The following PRDM6 variants were observed in gnomAD, a reference collection of about 807,000 sequenced individuals.
The protein encoded by PRDM6 is putative histone-lysine N-methyltransferase PRDM6.
Under a neutral mutation model 60.8 loss-of-function variants are expected in PRDM6, and 25 were observed. The observed-to-expected ratio is 0.41, with a 90% CI of 0.30 to 0.57. PRDM6 has a LOEUF of 0.57. Among genes scored for constraint, PRDM6 ranks in the 20% least tolerant of loss-of-function variants. The probability of loss-of-function intolerance (pLI) is 0.27; values close to 1 mark genes in which losing one functional copy is unlikely to be tolerated. For synonymous variants in PRDM6, 407 were observed against 357.4 expected (o/e 1.14, Z -1.57); for missense variants, 839 against 821.3 (o/e 1.02, Z -0.26).
Position 123,090,606 on chromosome 5 carries a change from C to T in PRDM6, c.592C>T (p.Arg198Cys). 2.0e-6 allele frequency: 3 copies of T among 1,518,774 alleles called. No individual in the cohort carries two copies. Among genetic ancestry groups the T allele is most frequent in the Non-Finnish European group, 2.6e-6 (3 of 1,141,196 alleles). 94.1% of individuals were successfully genotyped at this position (1,518,774 alleles called of 1,614,324 possible). ...LNQHTSDPNN[R>C]CDMCADNRNG... ...CCAGCACACCAGCGACCCCAACAAC[C>T]GTACGTAGCCGCAGCCCGCGCGCTC... Residue 198 changes from arginine (R) to cysteine (C), a missense_variant and splice_region_variant, in exon 2 of 8, where the codon CGT (arginine) becomes TGT (cysteine). Coordinates refer to ENST00000407847, the MANE Select transcript of PRDM6 (RefSeq NM_001136239.4).
intron 5 of PRDM6, among the ~76,000 whole-genome samples, chr5:123,163,958 G>C (rs1410891461): frequency 1.3e-5 from 2 of 151,992 alleles, no homozygotes; most frequent in Non-Finnish European, 2.9e-5. Flanking sequence ...ACCTCTTCAC[G>C]GTGCCCCTCA....
chr5:123,121,204 T>C (rs1340172761), intron 3 of PRDM6, among the ~76,000 whole-genome samples: 1 of 152,202 alleles, frequency 6.6e-6, no homozygotes, highest in African/African-American at 2.4e-5. Flanking sequence ...AAGAAGCTTT[T>C]TTTACCTATG....
chr5:123,127,704 TTCTTTC>T (rs1017580442), intron 3 of PRDM6, among the ~76,000 whole-genome samples: 26 of 145,708 alleles, frequency 1.8e-4, no homozygotes, highest in African/African-American at 6.7e-4. Context: ...TTCTCTTTCT[TTCTTTC>T]TCTTTCTTTC....
At chr5:123,161,500 C>T (rs1765630043) in intron 5 of PRDM6, among the ~76,000 whole-genome samples, 1 of 152,156 alleles carries the variant, frequency 6.6e-6, no homozygotes, top group South Asian at 2.1e-4. Flanking sequence ...ACAGGGTAAG[C>T]TTCACTGGGA....
rs1193897646 is a variant in PRDM6 at position 123,128,613 on chromosome 5, ATTGT to A, written c.901-27264_901-27261del. ...TATCCTTTGCCCACTTGTTGATGGG[ATTGT>A]TTGTTTTTTTCTTGTAAATTTGTTT... On this transcript the variant is annotated intron_variant, in intron 3 of 7. Coordinates refer to ENST00000407847, the MANE Select transcript of PRDM6 (RefSeq NM_001136239.4). Among the ~76,000 whole-genome samples the A allele has an allele frequency of 2.0e-5, 3 of 151,644 alleles. No individual in the cohort carries two copies. In the South Asian group the frequency reaches 6.3e-4, roughly 32 times the overall value.
chr5:123,090,578 C>A lies in PRDM6; in HGVS notation c.564C>A (p.Leu188=), dbSNP rs1280300373. ...AGCAGCGCATGGAGATCATCCCGCT[C>A]AACCAGCACACCAGCGACCCCAACA... The part of the protein sequence containing the change: ...YGQQRMEIIP[L]NQHTSDPNNR... Residue 188 remains leucine (L), a synonymous_variant, in exon 2 of 8, where the codon CTC becomes CTA. Coordinates refer to ENST00000407847, the MANE Select transcript of PRDM6 (RefSeq NM_001136239.4). 6.6e-7 allele frequency: 1 copy of A among 1,525,370 alleles called. No individual in the cohort carries two copies. The highest frequency in any genetic ancestry group is 2.0e-5 in the Admixed American group (1 of 50,432). The allele number at this position is 1,525,370 out of a possible 1,614,324, so 94.5% of individuals were successfully genotyped here. A position where few individuals can be genotyped will look rare whatever the true frequency, so the allele number is the denominator to read the frequency against.
At chr5:123,181,118 T>G (rs938922719) in intron 7 of PRDM6, among the ~76,000 whole-genome samples, 3 of 152,258 alleles carry the variant, frequency 2.0e-5, no homozygotes, top group African/African-American at 4.8e-5. Flanking sequence ...TTCAGTTATG[T>G]ATGTGTTCAT....
intron 6 of PRDM6, among the ~76,000 whole-genome samples, chr5:123,174,677 TAAAGG>T (rs955305887): frequency 2.0e-5 from 3 of 152,174 alleles, no homozygotes; most frequent in African/African-American, 7.2e-5. Flanking sequence ...TGCCTTGATA[TAAAGG>T]AAAGAAATCC....
At chr5:123,121,065 A>G (rs1194070765) in intron 3 of PRDM6, among the ~76,000 whole-genome samples, 1 of 152,238 alleles carries the variant, frequency 6.6e-6, no homozygotes, top group Non-Finnish European at 1.5e-5. Flanking sequence ...GATGTTTTTA[A>G]AATGAAAATT....
chr5:123,157,654 C>G (rs1407674821), intron 4 of PRDM6, among the ~76,000 whole-genome samples: 1 of 152,168 alleles, frequency 6.6e-6, no homozygotes. Context: ...CCAGTGACCA[C>G]GTCCAAGAGT....
At chr5:123,101,791 G>A (rs1295726486) in intron 3 of PRDM6, among the ~76,000 whole-genome samples, 3 of 152,174 alleles carry the variant, frequency 2.0e-5, no homozygotes, top group Non-Finnish European at 4.4e-5. Flanking sequence ...TACACATATA[G>A]ACTATAACAA....
chr5:123,096,941 G>A (rs891397146), intron 2 of PRDM6, among the ~76,000 whole-genome samples: 2 of 152,124 alleles, frequency 1.3e-5, no homozygotes, highest in Non-Finnish European at 2.9e-5. Flanking sequence ...CACGTGTGGA[G>A]AAGCATGTTG....
rs1005836640 is a variant in PRDM6 at position 123,192,651 on chromosome 5, G to C, written c.*5450G>C. 6.6e-6 allele frequency: 1 copy of C among 152,142 alleles called. No homozygotes were observed. The highest frequency in any genetic ancestry group is 1.5e-5 in the Non-Finnish European group (1 of 68,036). The allele number at this position is 152,142 out of a possible 1,614,324, so 9.4% of individuals were successfully genotyped here. On this transcript the variant is annotated 3_prime_UTR_variant, in exon 8 of 8. Coordinates refer to ENST00000407847, the MANE Select transcript of PRDM6 (RefSeq NM_001136239.4). ...CCCTCTCAAGTGTGATATACATTAG[G>C]ACAAATGGCAACAGGCAGGAAGGGC...
At chr5:123,131,622 G>A (rs749106153) in intron 3 of PRDM6, among the ~76,000 whole-genome samples, 7 of 152,034 alleles carry the variant, frequency 4.6e-5, no homozygotes, top group Non-Finnish European at 8.8e-5. Flanking sequence ...GTCAGAAACT[G>A]AAGCCTCGAG....
At chr5:123,126,849 T>A (rs954696963) in intron 3 of PRDM6, among the ~76,000 whole-genome samples, 3 of 152,166 alleles carry the variant, frequency 2.0e-5, no homozygotes, top group Admixed American at 2.0e-4. Context: ...ACTATCATAA[T>A]CTCTGTCTAT....
intron 3 of PRDM6, among the ~76,000 whole-genome samples, chr5:123,146,346 G>A (rs150441408): frequency 4.0e-4 from 61 of 152,268 alleles, no homozygotes; most frequent in African/African-American, 1.3e-3. Flanking sequence ...AGTGTGCATC[G>A]CAGTGTGAGC....
intron 3 of PRDM6, among the ~76,000 whole-genome samples, chr5:123,128,807 T>G (rs1238881718): frequency 6.6e-6 from 1 of 152,216 alleles, no homozygotes; most frequent in Admixed American, 6.5e-5. Context: ...TTTGTTGCCA[T>G]TGCTTTTGGT....
chr5:123,184,274 C>G (rs534829661), intron 7 of PRDM6, among the ~76,000 whole-genome samples: 1 of 152,262 alleles, frequency 6.6e-6, no homozygotes, highest in South Asian at 2.1e-4. Flanking sequence ...ATAATCCAGT[C>G]AACCATCATA....
Position 123,165,822 on chromosome 5 carries a change from C to G in PRDM6, c.1154-4944C>G, listed in dbSNP as rs139655240. 2.0e-5 allele frequency among the ~76,000 whole-genome samples: 3 copies of G among 152,312 alleles called. No homozygotes were observed. The East Asian group carries it at 5.8e-4, about 29-fold the overall frequency. On this transcript the variant is annotated intron_variant, in intron 5 of 7. Transcript: ENST00000407847. Reference sequence around the variant, plus strand: ...TACTTTGTTTCTTTATTTACCGATACAGAGTGATGATGCCTTTAAAGCGTA... The same window carrying G: ...TACTTTGTTTCTTTATTTACCGATAGAGAGTGATGATGCCTTTAAAGCGTA...
Sources: allele counts gnomAD v4.1 joint callset (sites outside exome capture counted in the v4.1 genomes callset), GRCh38; gene constraint gnomAD v4.1.1; transcripts MANE v1.5; gene names NCBI Gene and HGNC (gene_info 2026-07-23, HGNC 2026-07-21).